Variants in PWWP2A observed in about 807,000 individuals in gnomAD.
PWWP2A encodes PWWP domain containing 2A.
A neutral mutation model predicts 48.5 loss-of-function variants in PWWP2A; 18 were observed. The observed-to-expected ratio is 0.37, with a 90% CI of 0.26 to 0.55. The LOEUF is 0.55. Among genes scored for constraint, PWWP2A ranks in the 20% least tolerant of loss-of-function variants. The pLI is 0.81. For synonymous variants in PWWP2A, 396 were observed against 387.7 expected (o/e 1.02, Z -0.25); for missense variants, 867 against 976.4 (o/e 0.89, Z 1.49).
intron 1 of PWWP2A, among the ~76,000 whole-genome samples, chr5:160,112,688 T>TA: frequency 6.6e-6 from 1 of 152,224 alleles, no homozygotes; most frequent in African/African-American, 2.4e-5. Flanking sequence ...CCAGGCCACC[T>TA]GGTCATTCTG....
chr5:160,092,472 G>T lies in PWWP2A; in HGVS notation c.2178C>A (p.Gly726=). Reference sequence around the variant, plus strand: ...CCTCTGTGATAGCCTTGCGATACAGGCCCTTTCTCTTCTTATTAAAGCGTG... The same window carrying T: ...CCTCTGTGATAGCCTTGCGATACAGTCCCTTTCTCTTCTTATTAAAGCGTG... ...FQSRFNKKRK[G]LYRKAITEAA... is the part of the protein sequence containing the mutation. The change falls in exon 2 of 2, where the codon GGC becomes GGA. Residue 726 remains glycine (G), a synonymous_variant. Coordinates refer to ENST00000307063, the MANE Select transcript of PWWP2A (RefSeq NM_001130864.2). 1 of 1,551,682 alleles carries T rather than the reference G, an allele frequency of 6.4e-7. No individual in the cohort carries two copies. Among genetic ancestry groups the T allele is most frequent in the Non-Finnish European group, 8.7e-7 (1 of 1,146,990 alleles).
rs772712273 is a variant in PWWP2A, at chr5:160,118,975, G to T, written c.414C>A (p.Pro138=). ...EEREEPPLPQ[P]VAPALVPPAG... ...CCGGCGGCACGAGCGCCGGGGCTAC[G>T]GGCTGAGGCAGCGGCGGCTCCTCGC... Residue 138 remains proline (P), a synonymous_variant, in exon 1 of 2, where the codon CCC becomes CCA. Transcript: ENST00000307063. 6.3e-7 allele frequency: 1 copy of T among 1,597,078 alleles called. No homozygotes were observed. The highest frequency in any genetic ancestry group is 2.3e-5 in the East Asian group (1 of 42,986).
downstream of PWWP2A, among the ~76,000 whole-genome samples, chr5:160,075,081 A>G (rs377295129): frequency 1.3e-5 from 2 of 152,228 alleles, no homozygotes; most frequent in Non-Finnish European, 2.9e-5. Context: ...AGTTGTGTCT[A>G]TAAATATACT....
downstream of PWWP2A, chr5:160,090,446 T>G (rs1754970825): frequency 1.0e-6 from 1 of 981,930 alleles, no homozygotes; most frequent in East Asian, 1.1e-4. Context: ...GATAGTTCCT[T>G]ATAACTTCTC....
In PWWP2A at chr5:160,093,444, A is replaced by C. The variant is rs1031155817; in HGVS notation, c.1206T>G (p.Ser402=). 3 of 1,613,546 alleles carry C rather than the reference A, an allele frequency of 1.9e-6. No homozygotes were observed. Among genetic ancestry groups the C allele is most frequent in the Non-Finnish European group, 2.5e-6 (3 of 1,179,778 alleles). ...AHSRGRVVKV[S]AQANTSKAQL... ...GAGCTTTTGATGTATTTGCCTGAGC[A>C]GAAACTTTTACTACTCTGCCTCTGC... Residue 402 remains serine (S), a synonymous_variant, in exon 2 of 2, where the codon TCT becomes TCG. Transcript: ENST00000307063. The surrounding 1 kb of genome is among the most constrained non-coding windows in gnomAD (Gnocchi z 5.8).
intron 1 of PWWP2A, among the ~76,000 whole-genome samples, chr5:160,113,497 C>T (rs912169322): frequency 4.6e-5 from 7 of 152,166 alleles, no homozygotes; most frequent in South Asian, 2.1e-4. Context: ...CCATGCATAA[C>T]GTCAAGCATA....
chr5:160,054,977 A>G, the PWWP2A span, among the ~76,000 whole-genome samples: 2 of 152,208 alleles, frequency 1.3e-5, no homozygotes, highest in African/African-American at 4.8e-5. Context: ...CTCTGCCCTC[A>G]GGAGTCCCTT....
At chr5:160,074,545 G>A (rs1415085793), downstream of PWWP2A, among the ~76,000 whole-genome samples, 1 of 152,022 alleles carries the variant, frequency 6.6e-6, no homozygotes, top group Non-Finnish European at 1.5e-5. Context: ...TCGGGAGTTT[G>A]AGACCAGCCT....
At chr5:160,059,951 A>G (rs891077351), downstream of PWWP2A, among the ~76,000 whole-genome samples, 1 of 152,246 alleles carries the variant, frequency 6.6e-6, no homozygotes, top group African/African-American at 2.4e-5. Context: ...AAAAAACACA[A>G]TATCTGTAAA....
At chr5:160,065,529 A>C in intron 4 of PWWP2A, 1 of 397,968 alleles carries the variant, frequency 2.5e-6, no homozygotes, top group Non-Finnish European at 5.0e-6. Flanking sequence ...TGGTAATAAA[A>C]GCTTTCTGTG....
downstream of PWWP2A, chr5:160,090,596 A>G (rs755690591): frequency 3.9e-4 from 384 of 984,884 alleles, 1 homozygote; most frequent in Non-Finnish European, 4.1e-4. Context: ...TGAGTTCCCC[A>G]TAAGAAATTC....
rs115789667 is a variant in PWWP2A at position 160,094,192 on chromosome 5, C to G, written c.585-127G>C. 2.4e-3 allele frequency: 2,795 copies of G among 1,176,202 alleles called. 50 individuals are homozygous for G. The African/African-American group carries it at 0.038, about 16-fold the overall frequency. 72.9% of individuals were successfully genotyped at this position (1,176,202 alleles called of 1,614,324 possible). ...CCGAAAACTATTTCATATTAAAAAA[C>G]AAGACTACAAAAATCTACTATCTCT... On this transcript the variant is annotated intron_variant, in intron 1 of 1. Transcript: ENST00000307063.
chr5:160,095,413 C>A (rs1755532334), intron 1 of PWWP2A, among the ~76,000 whole-genome samples: 1 of 152,164 alleles, frequency 6.6e-6, no homozygotes, highest in Non-Finnish European at 1.5e-5. Flanking sequence ...ACTTGCTATA[C>A]TAAGTTTTCT....
At chr5:160,045,173 T>A in the PWWP2A span, among the ~76,000 whole-genome samples, 1 of 152,114 alleles carries the variant, frequency 6.6e-6, no homozygotes. Context: ...CTTGTAAGCG[T>A]GATTAGCATG....
chr5:160,096,871 A>C (rs2113559359), intron 1 of PWWP2A, among the ~76,000 whole-genome samples: 1 of 152,276 alleles, frequency 6.6e-6, no homozygotes, highest in South Asian at 2.1e-4. Context: ...GTCTTTTATC[A>C]ACTGTTTGTA....
the PWWP2A span, among the ~76,000 whole-genome samples, chr5:160,045,678 G>C: frequency 6.6e-6 from 1 of 151,790 alleles, no homozygotes; most frequent in Non-Finnish European, 1.5e-5. Context: ...TCTCACCTCA[G>C]TCTCCTAAGT....
rs34967107 is a variant in PWWP2A at position 160,063,966 on chromosome 5, CT to C, written c.*237-294del. Among the ~76,000 whole-genome samples, 445 of 106,648 alleles carry C rather than the reference CT, an allele frequency of 4.2e-3. 3 individuals carry two copies. Among genetic ancestry groups the C allele is most frequent in the African/African-American group, 0.014 (373 of 26,836 alleles). 70.0% of individuals were successfully genotyped at this position (106,648 alleles called of 152,430 possible). A position where few individuals can be genotyped will look rare whatever the true frequency, so the allele number is the denominator to read the frequency against. ...AAGAACCGCTGGCTATAGACCATGACTTTTTTTTTTTTTTTTTTTTGAGACG... is the reference window on the plus strand; with the variant it reads ...AAGAACCGCTGGCTATAGACCATGACTTTTTTTTTTTTTTTTTTTGAGACG... On this transcript the variant is annotated intron_variant and NMD_transcript_variant, in intron 4 of 5. Transcript: ENST00000524050.
downstream of PWWP2A, chr5:160,090,799 GAC>G (rs1754998974): frequency 6.1e-6 from 6 of 977,932 alleles, no homozygotes; most frequent in East Asian, 6.8e-4. Flanking sequence ...CAAAAGTTAA[GAC>G]ACAAAGTATG....
At chr5:160,048,166 A>G in the PWWP2A span, among the ~76,000 whole-genome samples, 18 of 84,892 alleles carry the variant, frequency 2.1e-4, no homozygotes, top group Non-Finnish European at 2.7e-4. Context: ...TTTTTTTGGG[A>G]CAGAGTATTA....
Sources: gnomAD v4.1 joint callset for allele counts (sites outside exome capture counted in the v4.1 genomes callset) on GRCh38, gnomAD v4.1.1 for gene constraint, Gnocchi (gnomAD v3.1) non-coding constraint, MANE v1.5 for transcripts, NCBI Gene and HGNC (gene_info 2026-07-23, HGNC 2026-07-21) for gene names.